Variants in ZNF385D observed in about 807,000 individuals in gnomAD.
The protein encoded by ZNF385D is zinc finger protein 385D.
ZNF385D carries 15 observed loss-of-function variants against 35.8 expected under a neutral mutation model. The ratio of observed to expected loss-of-function variants is 0.42; its 90% CI spans 0.28 to 0.64. The LOEUF (loss-of-function observed/expected upper bound fraction) is 0.64. ZNF385D is among the 30% of genes least tolerant of loss of function. The pLI is 0.23. For synonymous variants in ZNF385D, 212 were observed against 186.8 expected (o/e 1.13, Z -1.10); for missense variants, 474 against 494.6 (o/e 0.96, Z 0.39).
At chr3:21,997,947 T>C (rs900550042) in intron 3 of ZNF385D, among the ~76,000 whole-genome samples, 6 of 149,082 alleles carry the variant, frequency 4.0e-5, no homozygotes, top group Admixed American at 6.7e-5. Context: ...GAAATTGAGA[T>C]AGAAGATCAG....
At chr3:21,759,183 T>A (rs546891681) in intron 3 of ZNF385D, among the ~76,000 whole-genome samples, 1 of 151,744 alleles carries the variant, frequency 6.6e-6, no homozygotes, top group Non-Finnish European at 1.5e-5. Context: ...TGTATAAGGG[T>A]CTGGTAAAAG....
chr3:21,731,832 C>G (rs534478464), intron 1 of ZNF385D, among the ~76,000 whole-genome samples: 1 of 152,148 alleles, frequency 6.6e-6, no homozygotes, highest in African/African-American at 2.4e-5. Flanking sequence ...TGGATTCTTT[C>G]ACTTGCTAAT....
chr3:21,775,204 G>T (rs945703044), intron 3 of ZNF385D, among the ~76,000 whole-genome samples: 1 of 151,798 alleles, frequency 6.6e-6, no homozygotes, highest in Non-Finnish European at 1.5e-5. Flanking sequence ...TGGGCTTTGA[G>T]TATCTTTTGC....
chr3:21,434,199 C>G (rs1214710537), intron 5 of ZNF385D, among the ~76,000 whole-genome samples: 1 of 152,086 alleles, frequency 6.6e-6, no homozygotes, highest in Non-Finnish European at 1.5e-5. Flanking sequence ...CCCAATTGTT[C>G]AACTTGGTAG....
rs184563697 is a variant in ZNF385D, at chr3:21,702,061, C to T, written c.23-37033G>A. Among the ~76,000 whole-genome samples the T allele has an allele frequency of 1.8e-4, 28 of 152,298 alleles. No individual in the cohort carries two copies. The East Asian group carries it at 5.2e-3, about 28-fold the overall frequency. The stretch of plus-strand genomic sequence containing the variant: ...GGACAGTAACCCTCTTCTCACAGCT[C>T]CACTAGGCAGTGCACCAGTAAGGAC... On this transcript the variant is annotated intron_variant, in intron 1 of 7. Coordinates refer to ENST00000281523, the MANE Select transcript of ZNF385D (RefSeq NM_024697.3).
intron 1 of ZNF385D, among the ~76,000 whole-genome samples, chr3:21,668,078 A>G (rs2066459746): frequency 6.6e-6 from 1 of 152,168 alleles, no homozygotes; most frequent in South Asian, 2.1e-4. Flanking sequence ...TGCTATGCAA[A>G]TACAGGTGTA....
At chr3:21,564,924 G>T (rs1054503115) in intron 2 of ZNF385D, among the ~76,000 whole-genome samples, 1 of 152,044 alleles carries the variant, frequency 6.6e-6, no homozygotes, top group African/African-American at 2.4e-5. Flanking sequence ...CATACTAACT[G>T]TTTTTCTCAT....
intron 3 of ZNF385D, among the ~76,000 whole-genome samples, chr3:21,941,026 G>A (rs896691451): frequency 5.9e-5 from 9 of 152,102 alleles, no homozygotes; most frequent in Admixed American, 3.9e-4. Flanking sequence ...AGATCAATGA[G>A]GGACAAAAGC....
At chr3:21,593,146 C>T (rs1444043010) in intron 2 of ZNF385D, among the ~76,000 whole-genome samples, 2 of 152,140 alleles carry the variant, frequency 1.3e-5, no homozygotes, top group Non-Finnish European at 2.9e-5. Context: ...TGGTCACTCC[C>T]AACTAGTCCT....
chr3:21,595,473 TTA>T (rs201637458), intron 2 of ZNF385D, among the ~76,000 whole-genome samples: 1,884 of 149,076 alleles, frequency 0.013, 15 homozygotes, highest in African/African-American at 0.015. Context: ...TAATATATAA[TTA>T]TATATGTTTA....
At chr3:21,928,096 T>C (rs1353572546) in intron 3 of ZNF385D, among the ~76,000 whole-genome samples, 2 of 151,972 alleles carry the variant, frequency 1.3e-5, no homozygotes, top group Admixed American at 1.3e-4. Flanking sequence ...TGGTGGTGTG[T>C]GCCTGTACTC....
intron 3 of ZNF385D, among the ~76,000 whole-genome samples, chr3:22,160,036 C>T (rs1052153641): frequency 2.0e-5 from 3 of 152,088 alleles, no homozygotes; most frequent in Middle Eastern, 3.4e-3. Context: ...CAGTTTTCCC[C>T]ATGCTGTTCT....
chr3:22,304,232 TATG>T (rs1703080071), intron 2 of ZNF385D, among the ~76,000 whole-genome samples: 2 of 152,308 alleles, frequency 1.3e-5, no homozygotes, highest in South Asian at 4.1e-4. Flanking sequence ...TCTAATTAGG[TATG>T]ATATTTTAAT....
intron 2 of ZNF385D, among the ~76,000 whole-genome samples, chr3:22,270,438 A>C (rs992529344): frequency 2.0e-5 from 3 of 151,910 alleles, no homozygotes; most frequent in African/African-American, 4.8e-5. Flanking sequence ...ACATTTTCTC[A>C]ATTATTCTTT....
chr3:21,808,650 A>G (rs934329112), intron 3 of ZNF385D, among the ~76,000 whole-genome samples: 20 of 152,354 alleles, frequency 1.3e-4, no homozygotes, highest in Middle Eastern at 3.4e-3. Flanking sequence ...GAAGGTAATG[A>G]CAGCAAAGGG....
chr3:22,251,956 T>C (rs1436260814), intron 2 of ZNF385D, among the ~76,000 whole-genome samples: 1 of 152,062 alleles, frequency 6.6e-6, no homozygotes, highest in Non-Finnish European at 1.5e-5. Context: ...TGGATAATGC[T>C]TGCAAAGTGC....
chr3:21,755,941 A>C (rs2070319297), upstream of ZNF385D, among the ~76,000 whole-genome samples: 1 of 152,234 alleles, frequency 6.6e-6, no homozygotes, highest in African/African-American at 2.4e-5. Flanking sequence ...AGTAGAGTAG[A>C]TCTTAAAAAG....
intron 2 of ZNF385D, among the ~76,000 whole-genome samples, chr3:22,353,305 C>T (rs570037287): frequency 1.3e-5 from 2 of 152,170 alleles, no homozygotes; most frequent in East Asian, 3.9e-4. Flanking sequence ...CTTGGCACTG[C>T]CTCTTTGAAT....
intron 1 of ZNF385D, among the ~76,000 whole-genome samples, chr3:21,747,982 CTG>C (rs1224830974): frequency 1.3e-5 from 2 of 152,100 alleles, no homozygotes; most frequent in Non-Finnish European, 2.9e-5. Flanking sequence ...AGGTTGCTGA[CTG>C]AGATTTTCCC....
Sources: allele counts gnomAD v4.1 joint callset (sites outside exome capture counted in the v4.1 genomes callset), GRCh38; gene constraint gnomAD v4.1.1; transcripts MANE v1.5; gene names NCBI Gene and HGNC (gene_info 2026-07-23, HGNC 2026-07-21).